RANBP17: variants seen among roughly 807,000 people sequenced by gnomAD.
The protein encoded by RANBP17 is RAN binding protein 17.
In RANBP17, 158 loss-of-function variants were observed where a neutral mutation model predicts 141.2. The observed-to-expected ratio is 1.12, with a 90% CI of 0.98 to 1.28. The LOEUF (loss-of-function observed/expected upper bound fraction) is 1.28, where lower values mean the gene tolerates loss of function less well. Ranked by LOEUF, RANBP17 falls within the 50% of genes most tolerant of loss-of-function variation. The pLI, the probability that RANBP17 is intolerant of heterozygous loss-of-function variation, is 0.00. For synonymous variants in RANBP17, 430 were observed against 450.0 expected, an observed-to-expected ratio of 0.96 and a Z score of 0.56; for missense variants, 1,438 against 1,290.7, an observed-to-expected ratio of 1.11 and a Z score of -1.75.
At chr5:171,175,266 G>T (rs1402014597) in intron 16 of RANBP17, among the ~76,000 whole-genome samples, 1 of 152,166 alleles carries the variant, frequency 6.6e-6, no homozygotes, top group Non-Finnish European at 1.5e-5. Context: ...ACATACGTGT[G>T]CATGTGTCTT....
chr5:170,885,868 C>T (rs1488131376), intron 3 of RANBP17, among the ~76,000 whole-genome samples: 1 of 139,382 alleles, frequency 7.2e-6, no homozygotes, highest in African/African-American at 2.6e-5. Flanking sequence ...CACTCTCCAC[C>T]TTTTTTTTTT....
At chr5:170,870,371 C>T (rs994189832) in intron 1 of RANBP17, among the ~76,000 whole-genome samples, 2 of 152,104 alleles carry the variant, frequency 1.3e-5, no homozygotes, top group Non-Finnish European at 1.5e-5. Flanking sequence ...CTCTCCCTCC[C>T]CTCACCCCCA....
chr5:170,887,692 T>C (rs1358222275), intron 3 of RANBP17, among the ~76,000 whole-genome samples: 1 of 152,238 alleles, frequency 6.6e-6, no homozygotes, highest in Non-Finnish European at 1.5e-5. Flanking sequence ...TGTGCTGCTG[T>C]CACAGAATAG....
intron 14 of RANBP17, among the ~76,000 whole-genome samples, chr5:171,054,155 C>T (rs1423159827): frequency 6.6e-6 from 1 of 151,768 alleles, no homozygotes; most frequent in African/African-American, 2.4e-5. Flanking sequence ...AGTGAGTCTC[C>T]TGTAAGCAGC....
chr5:170,868,094 T>C (rs1279243579), intron 1 of RANBP17, among the ~76,000 whole-genome samples: 1 of 152,226 alleles, frequency 6.6e-6, no homozygotes, highest in Non-Finnish European at 1.5e-5. Flanking sequence ...TTTTACTTGC[T>C]ATATAAAAAT....
chr5:171,293,080 T>G (rs1158709782), intron 25 of RANBP17, among the ~76,000 whole-genome samples: 1 of 152,172 alleles, frequency 6.6e-6, no homozygotes, highest in Non-Finnish European at 1.5e-5. Flanking sequence ...ACATTTATAA[T>G]GAACTCTTTA....
chr5:171,074,517 A>G (rs1483084646), intron 14 of RANBP17, among the ~76,000 whole-genome samples: 3 of 152,200 alleles, frequency 2.0e-5, no homozygotes, highest in Non-Finnish European at 4.4e-5. Context: ...TGACAAATGT[A>G]CCTTGATTAT....
At chr5:171,108,229 G>A (rs1754982671) in intron 14 of RANBP17, among the ~76,000 whole-genome samples, 1 of 152,028 alleles carries the variant, frequency 6.6e-6, no homozygotes, top group Non-Finnish European at 1.5e-5. Flanking sequence ...TTTTCTTGAG[G>A]TGGGGGAGGG....
chr5:171,079,206 A>G (rs1253378608), intron 14 of RANBP17, among the ~76,000 whole-genome samples: 1 of 152,168 alleles, frequency 6.6e-6, no homozygotes, highest in Non-Finnish European at 1.5e-5. Context: ...ACAGCAAGAG[A>G]CCTGTGAGAT....
At chr5:171,211,235 A>ATCCCCCTTC (rs1466621381) in intron 20 of RANBP17, among the ~76,000 whole-genome samples, 1 of 151,634 alleles carries the variant, frequency 6.6e-6, no homozygotes, top group Middle Eastern at 3.2e-3. Context: ...CTCTCTTCTT[A>ATCCCCCTTC]TCCCCCTTCC....
intron 24 of RANBP17, among the ~76,000 whole-genome samples, chr5:171,254,639 T>G (rs554541144): frequency 6.6e-6 from 1 of 152,324 alleles, no homozygotes; most frequent in African/African-American, 2.4e-5. Context: ...AGAAGTAATA[T>G]ATGTACATAA....
chr5:170,911,977 T>C (rs1323132996), intron 7 of RANBP17, among the ~76,000 whole-genome samples: 1 of 151,918 alleles, frequency 6.6e-6, no homozygotes, highest in Non-Finnish European at 1.5e-5. Context: ...GCTAGGTGAC[T>C]GCCTTTTCCT....
intron 22 of RANBP17, among the ~76,000 whole-genome samples, chr5:171,238,734 T>G (rs375882408): frequency 6.6e-6 from 1 of 152,198 alleles, no homozygotes; most frequent in African/African-American, 2.4e-5. Flanking sequence ...TTTTCTGAAG[T>G]ACCTGGCTTT....
chr5:170,864,571 T>A (rs1030850470), intron 1 of RANBP17, among the ~76,000 whole-genome samples: 3 of 152,166 alleles, frequency 2.0e-5, no homozygotes. Context: ...CTGGATTCCC[T>A]GACAGGCAAT....
At chr5:171,155,723 T>C (rs1431450020) in intron 14 of RANBP17, among the ~76,000 whole-genome samples, 1 of 152,174 alleles carries the variant, frequency 6.6e-6, no homozygotes, top group Non-Finnish European at 1.5e-5. Context: ...TGGATTGTCA[T>C]CTTGAAGTAA....
chr5:171,014,880 G>A (rs1331952248), intron 14 of RANBP17, among the ~76,000 whole-genome samples: 1 of 151,862 alleles, frequency 6.6e-6, no homozygotes, highest in African/African-American at 2.4e-5. Flanking sequence ...CATATGTCTG[G>A]AAAAACATTT....
chr5:171,004,632 G>A (rs1779454462), intron 14 of RANBP17, among the ~76,000 whole-genome samples: 1 of 152,180 alleles, frequency 6.6e-6, no homozygotes, highest in Non-Finnish European at 1.5e-5. Flanking sequence ...GGCTTCCAAG[G>A]CGATGGGCAG....
chr5:171,185,348 A>G (rs754840597), intron 18 of RANBP17, among the ~76,000 whole-genome samples: 12 of 152,208 alleles, frequency 7.9e-5, no homozygotes, highest in Non-Finnish European at 1.5e-4. Flanking sequence ...GAAGACGACA[A>G]TGAAATTTGC....
intron 24 of RANBP17, chr5:171,243,148 C>G (rs1489511175): frequency 4.7e-6 from 1 of 211,086 alleles, no homozygotes; most frequent in Non-Finnish European, 9.2e-6. Context: ...ACATTTTTAT[C>G]ACCACAAAAA....
Sources: allele counts gnomAD v4.1 joint callset (sites outside exome capture counted in the v4.1 genomes callset), GRCh38; gene constraint gnomAD v4.1.1; transcripts MANE v1.5; gene names NCBI Gene and HGNC (gene_info 2026-07-23, HGNC 2026-07-21).